Variants in RAB28 observed in about 807,000 individuals in gnomAD.
The protein encoded by RAB28 is ras-related protein Rab-28.
In RAB28, 24 loss-of-function variants were observed where a neutral mutation model predicts 31.7. The ratio of observed to expected loss-of-function variants is 0.76; its 90% CI spans 0.55 to 1.06. The LOEUF is 1.06. Ranked by LOEUF, RAB28 falls within the 50% of genes least tolerant of loss-of-function variation. RAB28 has a pLI of 0.00. For missense variants in RAB28, 254 were observed against 258.5 expected (o/e 0.98, Z 0.12); for synonymous variants, 100 against 90.4 (o/e 1.11, Z -0.60).
At chr4:13,475,131 G>GT (rs1389184914) in intron 2 of RAB28, among the ~76,000 whole-genome samples, 3 of 151,446 alleles carry the variant, frequency 2.0e-5, no homozygotes, top group African/African-American at 7.3e-5. Flanking sequence ...ACAAAATACT[G>GT]TAACTAATCA....
chr4:13,395,074 T>C (rs940516182), intron 4 of RAB28, among the ~76,000 whole-genome samples: 2 of 152,162 alleles, frequency 1.3e-5, no homozygotes, highest in African/African-American at 2.4e-5. Flanking sequence ...CTGGAGGTTC[T>C]CAATGAAGAA....
chr4:13,481,495 G>T (rs1456058255), intron 1 of RAB28, among the ~76,000 whole-genome samples: 1 of 151,854 alleles, frequency 6.6e-6, no homozygotes, highest in Admixed American at 6.6e-5. Context: ...TCCCATATCA[G>T]AAATATTTTT....
chr4:13,418,568 A>G (rs2108917803), intron 4 of RAB28, among the ~76,000 whole-genome samples: 1 of 152,376 alleles, frequency 6.6e-6, no homozygotes, highest in Middle Eastern at 3.4e-3. Context: ...CAGAAACTCT[A>G]CAAGCCAGAA....
chr4:13,384,246 C>T (rs1373704088), intron 4 of RAB28, among the ~76,000 whole-genome samples: 1 of 152,224 alleles, frequency 6.6e-6, no homozygotes, highest in Admixed American at 6.5e-5. Context: ...CATGCTAATA[C>T]CACCACCAGC....
At chr4:13,476,265 C>T (rs1716356293) in intron 2 of RAB28, among the ~76,000 whole-genome samples, 1 of 151,478 alleles carries the variant, frequency 6.6e-6, no homozygotes, top group Admixed American at 6.6e-5. Flanking sequence ...GACCCTAAAT[C>T]ATCTATCTAT....
At chr4:13,477,763 T>A (rs1716429134) in intron 2 of RAB28, among the ~76,000 whole-genome samples, 2 of 151,448 alleles carry the variant, frequency 1.3e-5, no homozygotes, top group Admixed American at 6.6e-5. Context: ...TTTAACCTAA[T>A]TACTAAGTCT....
intron 2 of RAB28, among the ~76,000 whole-genome samples, chr4:13,479,110 A>G (rs1716493502): frequency 6.6e-6 from 1 of 151,756 alleles, no homozygotes; most frequent in African/African-American, 2.4e-5. Flanking sequence ...TGTTAATACA[A>G]TATCTGTTGA....
At chr4:13,369,414 T>G (rs766492946) in intron 6 of RAB28, among the ~76,000 whole-genome samples, 175 of 152,286 alleles carry the variant, frequency 1.1e-3, no homozygotes, top group South Asian at 3.9e-3. Context: ...ATATGCTTAA[T>G]ATTCATCTCT....
intron 4 of RAB28, among the ~76,000 whole-genome samples, chr4:13,383,475 T>C (rs764620646): frequency 3.9e-5 from 6 of 151,920 alleles, no homozygotes; most frequent in Non-Finnish European, 7.4e-5. Flanking sequence ...CATTGTTCAA[T>C]TGAAAAAAAA....
intron 3 of RAB28, among the ~76,000 whole-genome samples, chr4:13,464,270 G>A (rs573307958): frequency 1.3e-5 from 2 of 152,130 alleles, no homozygotes; most frequent in East Asian, 3.9e-4. Flanking sequence ...TCAAGGCTCT[G>A]GCATGAAGAG....
intron 4 of RAB28, among the ~76,000 whole-genome samples, chr4:13,445,149 T>C (rs927001433): frequency 2.6e-5 from 4 of 151,876 alleles, no homozygotes; most frequent in African/African-American, 9.7e-5. Context: ...CTGAAATCCT[T>C]TCTTCTGCTT....
intron 4 of RAB28, among the ~76,000 whole-genome samples, chr4:13,386,357 C>T (rs925282518): frequency 1.3e-5 from 2 of 151,860 alleles, no homozygotes; most frequent in African/African-American, 4.8e-5. Flanking sequence ...GCAAACTATG[C>T]ATCTGACAAA....
rs540496715 is a variant in RAB28 at position 13,392,412 on chromosome 4, T to C, written c.392-10818A>G. Reference sequence around the variant, plus strand: ...TATTATTTTACCAATCCAGAGATGATAGATTATATACAAGAATTTGTCCCA... The same window carrying C: ...TATTATTTTACCAATCCAGAGATGACAGATTATATACAAGAATTTGTCCCA... On this transcript the variant is annotated intron_variant, in intron 4 of 6. Transcript: ENST00000330852. 5.3e-5 allele frequency among the ~76,000 whole-genome samples: 8 copies of C among 152,312 alleles called. No individual in the cohort carries two copies. The South Asian group carries it at 8.3e-4, about 16-fold the overall frequency.
At chr4:13,373,051 G>C (rs949987330) in intron 6 of RAB28, among the ~76,000 whole-genome samples, 1 of 152,056 alleles carries the variant, frequency 6.6e-6, no homozygotes, top group Non-Finnish European at 1.5e-5. Context: ...TAATTGGCAA[G>C]TAAAAATGCT....
At chr4:13,417,968 G>C (rs1049198897) in intron 4 of RAB28, among the ~76,000 whole-genome samples, 2 of 152,182 alleles carry the variant, frequency 1.3e-5, no homozygotes, top group African/African-American at 2.4e-5. Context: ...AAAGGAGGAT[G>C]TTCGAGCCCC....
intron 4 of RAB28, among the ~76,000 whole-genome samples, chr4:13,395,720 G>A (rs1729848173): frequency 6.6e-6 from 1 of 152,066 alleles, no homozygotes; most frequent in Non-Finnish European, 1.5e-5. Flanking sequence ...GCTACTGATA[G>A]ATTTGTATCA....
chr4:13,382,433 AAAACTT>A (rs1274114565), intron 4 of RAB28, among the ~76,000 whole-genome samples: 1 of 152,148 alleles, frequency 6.6e-6, no homozygotes, highest in African/African-American at 2.4e-5. Context: ...TAGGAAAAAA[AAAACTT>A]AAACTGATTT....
chr4:13,383,777 T>C (rs1272243285), intron 4 of RAB28, among the ~76,000 whole-genome samples: 2 of 152,234 alleles, frequency 1.3e-5, no homozygotes, highest in African/African-American at 4.8e-5. Flanking sequence ...ACATGCCATC[T>C]TGCCTGACGC....
chr4:13,467,499 T>C (rs1245463648), intron 3 of RAB28, among the ~76,000 whole-genome samples: 1 of 151,916 alleles, frequency 6.6e-6, no homozygotes, highest in Non-Finnish European at 1.5e-5. Flanking sequence ...GTGAGATGAA[T>C]GACAGCCATG....
Sources: allele counts gnomAD v4.1 joint callset (sites outside exome capture counted in the v4.1 genomes callset), GRCh38; gene constraint gnomAD v4.1.1; transcripts MANE v1.5; gene names NCBI Gene and HGNC (gene_info 2026-07-23, HGNC 2026-07-21).